The following PCDHGA5 variants were observed in gnomAD, a reference collection of about 807,000 sequenced individuals.
PCDHGA5 encodes protocadherin gamma-A5.
A neutral mutation model predicts 56.7 loss-of-function variants in PCDHGA5; 36 were observed. The observed-to-expected ratio is 0.64, with a 90% CI of 0.49 to 0.84. PCDHGA5 has a LOEUF of 0.84. Among genes scored for constraint, PCDHGA5 ranks in the 40% least tolerant of loss-of-function variants. The pLI is 0.00. For synonymous variants in PCDHGA5, 563 were observed against 520.2 expected, an observed-to-expected ratio of 1.08 and a Z score of -1.12; for missense variants, 1,305 against 1,201.5, an observed-to-expected ratio of 1.09 and a Z score of -1.27.
At position 141,404,344 on chromosome 5, in the gene PCDHGA5, C is replaced by T. The variant is rs755599341; in HGVS notation, c.2421+37593C>T. 1.1e-5 allele frequency: 18 copies of T among 1,613,954 alleles called. No homozygotes were observed. In the East Asian group the frequency reaches 3.8e-4, roughly 34 times the overall value. ...CCTACTCAGTCTACCTCCCGGAAAA[C>T]AACGCCAGAGGTACTTCCATCTTCT... On this transcript the variant is annotated intron_variant, in intron 1 of 3. Coordinates refer to ENST00000518069, the MANE Select transcript of PCDHGA5 (RefSeq NM_018918.3).
rs780241180 is a variant in PCDHGA5, at chr5:141,490,819, C to A, written c.2422-3988C>A. On this transcript the variant is annotated intron_variant, in intron 1 of 3. Transcript: ENST00000518069. The surrounding 1 kb of genome is among the most constrained non-coding windows in gnomAD (Gnocchi z 5.4). ...CCAGCGTACCTTTGACTATGAATTGCTGCAGATGCTGCAGATTGTGGTGGG... is the reference window on the plus strand; with the variant it reads ...CCAGCGTACCTTTGACTATGAATTGATGCAGATGCTGCAGATTGTGGTGGG... 3 of 1,613,842 alleles carry A rather than the reference C, an allele frequency of 1.9e-6. No individual in the cohort carries two copies. The highest frequency in any genetic ancestry group is 2.5e-6 in the Non-Finnish European group (3 of 1,179,804).
At position 141,489,220 on chromosome 5, in the gene PCDHGA5, C is replaced by T; in HGVS notation, c.2422-5587C>T. ...AGACAGGACAGCACAGACTTACTCT[C>T]CACAAAGGGACTTCTGGGTCATGGG... On this transcript the variant is annotated intron_variant, in intron 1 of 3. Transcript: ENST00000518069. This position sits in a 1 kb window ranked among gnomAD's most constrained non-coding sequence, Gnocchi z 4.5. The T allele has an allele frequency of 6.6e-7, 1 of 1,508,698 alleles. No homozygotes were observed. The highest frequency in any genetic ancestry group is 8.9e-7 in the Non-Finnish European group (1 of 1,122,110). The allele number at this position is 1,508,698 out of a possible 1,614,324, so 93.5% of individuals were successfully genotyped here.
chr5:141,413,836 G>A, intron 1 of PCDHGA5: 2 of 1,613,256 alleles, frequency 1.2e-6, no homozygotes, highest in Non-Finnish European at 1.7e-6. Context: ...CGCCTCCGAC[G>A]GGGGTGACCC....
chr5:141,371,309 A>T (rs1046676611), intron 1 of PCDHGA5: 4 of 1,613,894 alleles, frequency 2.5e-6, no homozygotes, highest in African/African-American at 1.3e-5. Flanking sequence ...CCACTATTGG[A>T]GAACTGGACT....
In PCDHGA5 at chr5:141,477,868, C is replaced by A; in HGVS notation, c.2422-16939C>A. The A allele has an allele frequency of 6.2e-7, 1 of 1,613,750 alleles. No homozygotes were observed. Among genetic ancestry groups the A allele is most frequent in the Non-Finnish European group, 8.5e-7 (1 of 1,179,908 alleles). ...CGGTGGAGATGCTGCCTCGAGGTAC[C>A]TCAGCTGGCCACCTAGTGTCACGGG... On this transcript the variant is annotated intron_variant, in intron 1 of 3. Coordinates refer to ENST00000518069, the MANE Select transcript of PCDHGA5 (RefSeq NM_018918.3). The surrounding 1 kb of genome is among the most constrained non-coding windows in gnomAD (Gnocchi z 4.9).
intron 2 of PCDHGA5, among the ~76,000 whole-genome samples, chr5:141,499,182 C>T (rs980293990): frequency 5.3e-5 from 8 of 152,114 alleles, no homozygotes; most frequent in African/African-American, 1.7e-4. Flanking sequence ...GCCCAGCAAA[C>T]CATTTCCCCC....
At chr5:141,405,355 A>G in intron 1 of PCDHGA5, 2 of 1,613,990 alleles carry the variant, frequency 1.2e-6, no homozygotes, top group South Asian at 1.1e-5. Flanking sequence ...AGTTTCCTAT[A>G]GAAGACACCC....
At chr5:141,497,479 G>A (rs1028715475) in intron 2 of PCDHGA5, among the ~76,000 whole-genome samples, 5 of 151,886 alleles carry the variant, frequency 3.3e-5, no homozygotes, top group Non-Finnish European at 7.4e-5. Flanking sequence ...GAGAAGGTGC[G>A]GAACCTCTCT....
chr5:141,490,232 A>G lies in PCDHGA5; in HGVS notation c.2422-4575A>G. 6.2e-7 allele frequency: 1 copy of G among 1,614,216 alleles called. No homozygotes were observed. Among genetic ancestry groups the G allele is most frequent in the Non-Finnish European group, 8.5e-7 (1 of 1,180,032 alleles). ...CGTGACCAGGGACAGCCTGCCATGG[A>G]GGGCCACTGTGTGATTCAAGTGGAT... On this transcript the variant is annotated intron_variant, in intron 1 of 3. Transcript: ENST00000518069. This position sits in a 1 kb window ranked among gnomAD's most constrained non-coding sequence, Gnocchi z 5.4.
intron 1 of PCDHGA5, chr5:141,409,193 T>C (rs1268258873): frequency 2.5e-6 from 4 of 1,613,870 alleles, no homozygotes; most frequent in Admixed American, 1.7e-5. Flanking sequence ...CTCTACCCAG[T>C]GTAAAGTAAT....
At chr5:141,433,691 G>A (rs2097644575) in intron 1 of PCDHGA5, among the ~76,000 whole-genome samples, 1 of 152,044 alleles carries the variant, frequency 6.6e-6, no homozygotes, top group Non-Finnish European at 1.5e-5. Flanking sequence ...TACAAAATTA[G>A]CCGGGCGTGG....
chr5:141,498,312 T>C (rs2099783060), intron 2 of PCDHGA5, among the ~76,000 whole-genome samples: 1 of 151,714 alleles, frequency 6.6e-6, no homozygotes, highest in Non-Finnish European at 1.5e-5. Context: ...TCACACTGCC[T>C]ACACAGAAGG....
chr5:141,477,175 A>T lies in PCDHGA5; in HGVS notation c.2422-17632A>T, dbSNP rs1338347224. On this transcript the variant is annotated intron_variant, in intron 1 of 3. Transcript: ENST00000518069. This position sits in a 1 kb window ranked among gnomAD's most constrained non-coding sequence, Gnocchi z 4.9. ...TGAATGACAACGCCCCGGAGATCAC[A>T]GTCACCTCCGTGTACAGCCCAGTAC... is the stretch of plus-strand genomic sequence containing the variant. The T allele has an allele frequency of 1.2e-6, 2 of 1,614,186 alleles. No individual in the cohort carries two copies. The highest frequency in any genetic ancestry group is 3.3e-5 in the Admixed American group (2 of 60,028).
intron 1 of PCDHGA5, among the ~76,000 whole-genome samples, chr5:141,381,826 C>CTTCTTTTTTT (rs1777532522): frequency 3.1e-4 from 23 of 74,294 alleles, no homozygotes; most frequent in African/African-American, 1.4e-3. Context: ...CTTTCTTCTT[C>CTTCTTTTTTT]TTTTTTTTTT....
chr5:141,424,087 A>C, intron 1 of PCDHGA5: 1 of 933,106 alleles, frequency 1.1e-6, no homozygotes, highest in Non-Finnish European at 1.3e-6. Flanking sequence ...TTCCACCATT[A>C]TTTGCTATTA....
chr5:141,506,847 T>C lies in PCDHGA5; in HGVS notation c.2569+1366T>C, dbSNP rs146737657. ...GAACTGATAGCCCTGCCCTCCAGCA[T>C]GTCTGGAGGACTGGTGGGTAGAGAA... On this transcript the variant is annotated intron_variant, in intron 3 of 3. Coordinates refer to ENST00000518069, the MANE Select transcript of PCDHGA5 (RefSeq NM_018918.3). 3.7e-3 allele frequency among the ~76,000 whole-genome samples: 564 copies of C among 152,318 alleles called. 5 individuals are homozygous for C. Among genetic ancestry groups the C allele is most frequent in the Admixed American group, 0.011 (164 of 15,302 alleles).
intron 1 of PCDHGA5, chr5:141,383,187 C>CGGGAAGA: frequency 6.2e-7 from 1 of 1,614,076 alleles, no homozygotes; most frequent in Non-Finnish European, 8.5e-7. Context: ...AAGAGATCTG[C>CGGGAAGA]GCTCAGAGTG....
At position 141,450,754 on chromosome 5, in the gene PCDHGA5, C is replaced by T. The variant is rs192088793; in HGVS notation, c.2422-44053C>T. Among the ~76,000 whole-genome samples, 54 of 151,098 alleles carry T rather than the reference C, an allele frequency of 3.6e-4. 1 individual carries two copies. Among genetic ancestry groups the T allele is most frequent in the African/African-American group, 1.1e-3 (47 of 41,192 alleles). ...CGCCCGCCTTGGCCTCCCAAAGTGC[C>T]GGGATTACAGGCATGAGCCACCGTG... On this transcript the variant is annotated intron_variant, in intron 1 of 3. Transcript: ENST00000518069.
At chr5:141,393,168 G>T (rs1486915956) in intron 1 of PCDHGA5, 1 of 1,613,100 alleles carries the variant, frequency 6.2e-7, no homozygotes, top group Non-Finnish European at 8.5e-7. Context: ...ACTCTTTGGG[G>T]TAGAAATAGA....
Sources: gnomAD v4.1 joint callset for allele counts (sites outside exome capture counted in the v4.1 genomes callset) on GRCh38, gnomAD v4.1.1 for gene constraint, Gnocchi (gnomAD v3.1) non-coding constraint, MANE v1.5 for transcripts, NCBI Gene and HGNC (gene_info 2026-07-23, HGNC 2026-07-21) for gene names.